CNGA1: variants seen among roughly 807,000 people sequenced by gnomAD.
The protein encoded by CNGA1 is cyclic nucleotide-gated channel alpha-1.
A neutral mutation model predicts 69.7 loss-of-function variants in CNGA1; 53 were observed. That is an observed-to-expected ratio of 0.76 (90% CI 0.61 to 0.96). The LOEUF is 0.96. CNGA1 is among the 40% of genes least tolerant of loss of function. The probability of loss-of-function intolerance (pLI) is 0.00; values close to 1 mark genes in which losing one functional copy is unlikely to be tolerated. For missense variants in CNGA1, 739 were observed against 811.2 expected, an observed-to-expected ratio of 0.91 and a Z score of 1.08; for synonymous variants, 249 against 283.5, an observed-to-expected ratio of 0.88 and a Z score of 1.22.
rs1715390573 is a variant in CNGA1 at position 48,016,522 on chromosome 4, T to C, written c.-262A>G. Reference sequence around the variant, plus strand: ...CGCTCCGAGAGACGCTGTTGCTCTATGAGGCGTGTCTGTGTTTCTCTAGTT... The same window carrying C: ...CGCTCCGAGAGACGCTGTTGCTCTACGAGGCGTGTCTGTGTTTCTCTAGTT... On this transcript the variant is annotated 5_prime_UTR_variant, in exon 1 of 11. Coordinates refer to ENST00000514170, the MANE Select transcript of CNGA1 (RefSeq NM_001379270.1). 1.1e-4 allele frequency: 45 copies of C among 427,692 alleles called. No homozygotes were observed. The South Asian group carries it at 1.6e-3, about 15-fold the overall frequency. 26.5% of individuals were successfully genotyped at this position (427,692 alleles called of 1,614,324 possible). A position where few individuals can be genotyped will look rare whatever the true frequency, so the allele number is the denominator to read the frequency against.
intron 3 of CNGA1, among the ~76,000 whole-genome samples, chr4:47,965,661 A>G (rs1035776730): frequency 6.6e-6 from 1 of 152,090 alleles, no homozygotes; most frequent in Non-Finnish European, 1.5e-5. Context: ...TCCTGACCTC[A>G]GGTGATCCAC....
rs770880423 is a variant in CNGA1 at position 47,937,502 on chromosome 4, G to A, written c.980C>T (p.Thr327Ile). 3.1e-6 allele frequency: 5 copies of A among 1,614,018 alleles called. No homozygotes were observed. The highest frequency in any genetic ancestry group is 1.3e-5 in the African/African-American group (1 of 74,924). Residue 327 changes from threonine to isoleucine, a missense_variant, in exon 11 of 11, where the codon ACA (threonine) becomes ATA (isoleucine). Transcript: ENST00000514170. ...ATCATTAATATCAGGGTAGACCCAT[G>A]TATCATTTCCAAATCCAATAGCTTT... is the stretch of plus-strand genomic sequence containing the variant. The part of the protein sequence containing the change: ...ISKAIGFGND[T>I]WVYPDINDPE...
At chr4:47,969,610 C>G (rs1024780223) in intron 3 of CNGA1, among the ~76,000 whole-genome samples, 1 of 152,060 alleles carries the variant, frequency 6.6e-6, no homozygotes, top group Non-Finnish European at 1.5e-5. Context: ...GCTGGGATTA[C>G]AGGTGTGCAC....
chr4:47,977,386 G>A (rs1741469911), intron 3 of CNGA1, among the ~76,000 whole-genome samples: 1 of 152,132 alleles, frequency 6.6e-6, no homozygotes, highest in Non-Finnish European at 1.5e-5. Context: ...CAAAACTGAT[G>A]GCACCTTGAT....
At chr4:48,012,386 G>C (rs572602642) in intron 1 of CNGA1, among the ~76,000 whole-genome samples, 1 of 152,196 alleles carries the variant, frequency 6.6e-6, no homozygotes, top group African/African-American at 2.4e-5. Context: ...AAAAACAAAG[G>C]CACAACCTTA....
chr4:47,951,099 A>G, intron 5 of CNGA1, among the ~76,000 whole-genome samples: 1 of 152,220 alleles, frequency 6.6e-6, no homozygotes, highest in Non-Finnish European at 1.5e-5. Flanking sequence ...ATGGGTAAGG[A>G]ACAGAAGTAA....
intron 2 of CNGA1, among the ~76,000 whole-genome samples, chr4:48,005,353 T>C (rs1714876131): frequency 6.6e-6 from 1 of 152,066 alleles, no homozygotes; most frequent in South Asian, 2.1e-4. Context: ...CCTGAACTCA[T>C]GATCCATCCA....
Position 47,936,309 on chromosome 4 carries a change from A to T in CNGA1, c.*112T>A, listed in dbSNP as rs1043197334. 3.4e-6 allele frequency: 4 copies of T among 1,174,548 alleles called. No individual in the cohort carries two copies. The highest frequency in any genetic ancestry group is 1.2e-6 in the Non-Finnish European group (1 of 801,074). The allele number at this position is 1,174,548 out of a possible 1,614,324, so 72.8% of individuals were successfully genotyped here. A position where few individuals can be genotyped will look rare whatever the true frequency, so the allele number is the denominator to read the frequency against. On this transcript the variant is annotated 3_prime_UTR_variant, in exon 11 of 11. Coordinates refer to ENST00000514170, the MANE Select transcript of CNGA1 (RefSeq NM_001379270.1). ...CCTTGCACCAAAGCACATTTTCCTC[A>T]TGGAAAAATTTCCCAACTGAGTCTT... is the stretch of plus-strand genomic sequence containing the variant.
At chr4:47,991,860 G>C (rs1166713274) in intron 2 of CNGA1, among the ~76,000 whole-genome samples, 1 of 152,258 alleles carries the variant, frequency 6.6e-6, no homozygotes, top group Middle Eastern at 3.4e-3. Context: ...GGGAGATGAG[G>C]ATGAACTTTT....
In CNGA1 at chr4:47,976,218, TAC is replaced by T. The variant is rs528545471; in HGVS notation, c.-15+5173_-15+5174del. Among the ~76,000 whole-genome samples, 96 of 71,146 alleles carry T rather than the reference TAC, an allele frequency of 1.3e-3. 8 individuals are homozygous for T. The highest frequency in any genetic ancestry group is 6.2e-3 in the African/African-American group (56 of 9,030). The allele number at this position is 71,146 out of a possible 152,430, so 46.7% of individuals were successfully genotyped here. A position where few individuals can be genotyped will look rare whatever the true frequency, so the allele number is the denominator to read the frequency against. ...ATATATGTATATATATATATACACATACATATATATATACATATATATGTATA... is the reference window on the plus strand; with the variant it reads ...ATATATGTATATATATATATACACATATATATATATACATATATATGTATA... On this transcript the variant is annotated intron_variant, in intron 3 of 10. Transcript: ENST00000514170.
At chr4:47,982,631 A>G (rs964286606) in intron 2 of CNGA1, among the ~76,000 whole-genome samples, 14 of 152,132 alleles carry the variant, frequency 9.2e-5, no homozygotes, top group African/African-American at 3.1e-4. Flanking sequence ...TTAAATTAAA[A>G]TTATTCTGAT....
At chr4:47,938,565 G>A (rs568805603) in intron 10 of CNGA1, among the ~76,000 whole-genome samples, 2 of 152,088 alleles carry the variant, frequency 1.3e-5, no homozygotes, top group East Asian at 3.9e-4. Flanking sequence ...GCTAATTTTT[G>A]TATTTTTAGT....
intron 10 of CNGA1, among the ~76,000 whole-genome samples, chr4:47,938,812 C>T (rs1407513180): frequency 1.3e-5 from 2 of 151,816 alleles, no homozygotes; most frequent in Non-Finnish European, 2.9e-5. Flanking sequence ...TGTAGTGGCT[C>T]ACACCTGTAA....
At chr4:47,944,917 C>T (rs534607334) in intron 6 of CNGA1, among the ~76,000 whole-genome samples, 1 of 152,148 alleles carries the variant, frequency 6.6e-6, no homozygotes, top group South Asian at 2.1e-4. Context: ...GGGTCTTAAC[C>T]CATAGACAGC....
chr4:48,005,154 T>G (rs1714864274), intron 2 of CNGA1, among the ~76,000 whole-genome samples: 1 of 150,704 alleles, frequency 6.6e-6, no homozygotes, highest in African/African-American at 2.5e-5. Flanking sequence ...GTCTTGCTCT[T>G]GTTGCCAGGA....
chr4:47,992,380 A>G (rs1560309479), intron 2 of CNGA1, among the ~76,000 whole-genome samples: 1 of 151,088 alleles, frequency 6.6e-6, no homozygotes, highest in Admixed American at 6.6e-5. Context: ...AGTTCTTTCA[A>G]CTCTTTGGTT....
chr4:48,012,879 A>G (rs1160805367), intron 1 of CNGA1: 1 of 151,960 alleles, frequency 6.6e-6, no homozygotes, highest in African/African-American at 2.4e-5. Context: ...ACCCCAATTC[A>G]GTTACTTACC....
At chr4:48,003,079 G>A (rs1042133527) in intron 2 of CNGA1, among the ~76,000 whole-genome samples, 14 of 152,162 alleles carry the variant, frequency 9.2e-5, no homozygotes, top group African/African-American at 1.9e-4. Flanking sequence ...AGGTCCTGAT[G>A]ACATGTGCCC....
intron 3 of CNGA1, among the ~76,000 whole-genome samples, chr4:47,960,999 A>G (rs113795570): frequency 2.6e-5 from 4 of 152,300 alleles, no homozygotes; most frequent in African/African-American, 4.8e-5. Context: ...AAAATCATCA[A>G]ATTGTACCTT....
Sources: allele counts gnomAD v4.1 joint callset (sites outside exome capture counted in the v4.1 genomes callset), GRCh38; gene constraint gnomAD v4.1.1; transcripts MANE v1.5; gene names NCBI Gene and HGNC (gene_info 2026-07-23, HGNC 2026-07-21).